The following STRN3 variants were observed in gnomAD, a reference collection of about 807,000 sequenced individuals.
STRN3 encodes the protein striatin 3, also known as striatin-3.
STRN3 carries 29 observed loss-of-function variants against 95.6 expected under a neutral mutation model. The ratio of observed to expected loss-of-function variants is 0.30; its 90% confidence interval spans 0.23 to 0.41. The LOEUF is 0.41. Ranked by LOEUF, STRN3 falls within the 10% of genes least tolerant of loss-of-function variation. STRN3 has a pLI of 1.00. For missense variants in STRN3, 890 were observed against 972.1 expected (o/e 0.92, Z 1.12); for synonymous variants, 331 against 357.6 (o/e 0.93, Z 0.84).
chr14:30,926,948 T>C (rs967416247), intron 8 of STRN3, among the ~76,000 whole-genome samples: 1 of 152,076 alleles, frequency 6.6e-6, no homozygotes, highest in Non-Finnish European at 1.5e-5. Context: ...TGACATAAAA[T>C]GATGTTTTCT....
chr14:30,973,081 C>T (rs1467566650), intron 1 of STRN3, among the ~76,000 whole-genome samples: 2 of 152,018 alleles, frequency 1.3e-5, no homozygotes, highest in South Asian at 2.1e-4. Context: ...TGGTGGCACC[C>T]GCCCGTAATC....
At chr14:30,959,034 A>C (rs891414159) in intron 1 of STRN3, among the ~76,000 whole-genome samples, 27 of 152,306 alleles carry the variant, frequency 1.8e-4, no homozygotes, top group African/African-American at 6.3e-4. Context: ...CTTTTTAAAA[A>C]ATGTGGACTA....
At chr14:30,963,478 G>C (rs552669773) in intron 1 of STRN3, among the ~76,000 whole-genome samples, 1 of 152,094 alleles carries the variant, frequency 6.6e-6, no homozygotes, top group Non-Finnish European at 1.5e-5. Context: ...GTGCAGTCTC[G>C]ACTCACTGCA....
intron 8 of STRN3, among the ~76,000 whole-genome samples, chr14:30,922,022 G>T (rs1896896882): frequency 6.6e-6 from 1 of 151,848 alleles, no homozygotes; most frequent in Non-Finnish European, 1.5e-5. Flanking sequence ...CAGTAGCTGG[G>T]ACCACAGGCA....
At chr14:30,919,679 T>A (rs1249273388) in intron 8 of STRN3, among the ~76,000 whole-genome samples, 1 of 152,114 alleles carries the variant, frequency 6.6e-6, no homozygotes, top group Non-Finnish European at 1.5e-5. Context: ...CTTTCAAAAA[T>A]TTTTTCATTT....
chr14:30,914,347 C>A (rs1163604605), intron 9 of STRN3, among the ~76,000 whole-genome samples: 4 of 151,776 alleles, frequency 2.6e-5, no homozygotes, highest in African/African-American at 7.3e-5. Context: ...GAATGTCTTC[C>A]AGCTTTATTT....
chr14:30,945,554 C>T (rs907232273), intron 5 of STRN3, among the ~76,000 whole-genome samples: 7 of 151,898 alleles, frequency 4.6e-5, no homozygotes, highest in East Asian at 1.9e-4. Context: ...TTCAGTGAGC[C>T]GTGATCATGC....
intron 4 of STRN3, among the ~76,000 whole-genome samples, chr14:30,948,697 T>C (rs1267637839): frequency 6.6e-6 from 1 of 152,138 alleles, no homozygotes; most frequent in Non-Finnish European, 1.5e-5. Flanking sequence ...GAAGGAAGAC[T>C]ATGGAGATAA....
chr14:30,902,791 CTA>C (rs1429717024), intron 15 of STRN3, 148 bp from the exon 16 acceptor site: 7 of 589,300 alleles, frequency 1.2e-5, no homozygotes, highest in African/African-American at 9.7e-5. Flanking sequence ...AACAAGGACT[CTA>C]GAGAGATTTT....
intron 1 of STRN3, among the ~76,000 whole-genome samples, chr14:30,992,142 G>A (rs1041846329): frequency 7.9e-5 from 12 of 152,076 alleles, no homozygotes; most frequent in African/African-American, 2.9e-4. Context: ...GGGTGCAGTG[G>A]CTCATGCCTG....
intron 1 of STRN3, among the ~76,000 whole-genome samples, chr14:30,965,142 T>C (rs1880421670): frequency 6.6e-6 from 1 of 152,178 alleles, no homozygotes; most frequent in African/African-American, 2.4e-5. Flanking sequence ...TAGTCACTAG[T>C]TCACTAGTGA....
chr14:30,896,058 C>T (rs1343082993), intron 16 of STRN3, among the ~76,000 whole-genome samples: 1 of 152,160 alleles, frequency 6.6e-6, no homozygotes, highest in African/African-American at 2.4e-5. Flanking sequence ...GACCACTAAT[C>T]GACTCTTTCT....
intron 1 of STRN3, among the ~76,000 whole-genome samples, chr14:30,980,354 GTAGTGAAC>G (rs2139224070): frequency 6.6e-6 from 1 of 152,204 alleles, no homozygotes; most frequent in Admixed American, 6.5e-5. Flanking sequence ...GATTCTGCTG[GTAGTGAAC>G]TAAAAAGTTC....
At chr14:30,942,459 G>A (rs532278451) in intron 5 of STRN3, among the ~76,000 whole-genome samples, 58 of 152,236 alleles carry the variant, frequency 3.8e-4, no homozygotes, top group Non-Finnish European at 6.8e-4. Flanking sequence ...TGAAGCCAAA[G>A]GTAAGGCTGC....
intron 1 of STRN3, among the ~76,000 whole-genome samples, chr14:30,979,159 C>T (rs1881264091): frequency 1.3e-5 from 2 of 150,242 alleles, no homozygotes; most frequent in South Asian, 2.1e-4. Flanking sequence ...AAAGTCAAAA[C>T]ATAGTACCAT....
intron 5 of STRN3, among the ~76,000 whole-genome samples, chr14:30,942,860 A>G (rs575697847): frequency 3.2e-4 from 49 of 152,314 alleles, no homozygotes; most frequent in African/African-American, 1.1e-3. Flanking sequence ...TGTGTCAGGC[A>G]TTGTTCTAAA....
intron 6 of STRN3, among the ~76,000 whole-genome samples, chr14:30,936,068 T>A (rs536696040): frequency 1.3e-5 from 2 of 152,332 alleles, no homozygotes; most frequent in South Asian, 4.1e-4. Flanking sequence ...ATTTTTATTA[T>A]TCTTTACTAA....
chr14:30,896,574 G>A (rs1177179871), intron 16 of STRN3, among the ~76,000 whole-genome samples: 1 of 146,508 alleles, frequency 6.8e-6, no homozygotes, highest in Non-Finnish European at 1.5e-5. Flanking sequence ...GAAAGGGAAG[G>A]GGAGGGGAGG....
intron 1 of STRN3, among the ~76,000 whole-genome samples, chr14:30,963,886 T>TA (rs1336311660): frequency 6.6e-6 from 1 of 151,936 alleles, no homozygotes; most frequent in Non-Finnish European, 1.5e-5. Flanking sequence ...ACACAGGACA[T>TA]ACCAAAACTT....
Sources: allele counts gnomAD v4.1 joint callset (sites outside exome capture counted in the v4.1 genomes callset), GRCh38; gene constraint gnomAD v4.1.1; transcripts MANE v1.5; gene names NCBI Gene and HGNC (gene_info 2026-07-23, HGNC 2026-07-21).